TIMM9: variants seen among roughly 807,000 people sequenced by gnomAD.
TIMM9 encodes the protein mitochondrial import inner membrane translocase subunit Tim9.
Under a neutral mutation model 13.4 loss-of-function variants are expected in TIMM9, and 10 were observed. The ratio of observed to expected loss-of-function variants is 0.75; its 90% CI spans 0.46 to 1.26. TIMM9 has a LOEUF of 1.26. Ranked by LOEUF, TIMM9 falls within the 50% of genes most tolerant of loss-of-function variation. The pLI, the probability that TIMM9 is intolerant of heterozygous loss-of-function variation, is 0.00. For synonymous variants in TIMM9, 32 were observed against 32.1 expected (o/e 1.00, Z 0.01); for missense variants, 87 against 100.8 (o/e 0.86, Z 0.58).
At chr14:58,425,281 G>A (rs1302119145) in intron 2 of TIMM9, among the ~76,000 whole-genome samples, 2 of 151,842 alleles carry the variant, frequency 1.3e-5, no homozygotes, top group East Asian at 1.9e-4. Flanking sequence ...CAGAGTGGCG[G>A]GTGCCTATAA....
intron 2 of TIMM9, among the ~76,000 whole-genome samples, chr14:58,426,652 TA>T (rs1193832782): frequency 1.3e-5 from 2 of 152,222 alleles, no homozygotes; most frequent in Non-Finnish European, 2.9e-5. Context: ...GGGAAAGCTC[TA>T]AGTAGCGCAT....
intron 3 of TIMM9, among the ~76,000 whole-genome samples, chr14:58,420,384 T>C (rs2036552288): frequency 6.6e-6 from 1 of 151,322 alleles, no homozygotes. Flanking sequence ...ACAATCCAAT[T>C]AGAAAACAAG....
intron 3 of TIMM9, among the ~76,000 whole-genome samples, chr14:58,422,669 A>C (rs993471169): frequency 1.3e-5 from 2 of 152,200 alleles, no homozygotes; most frequent in African/African-American, 4.8e-5. Context: ...TCATACTATA[A>C]AAGTAATATA....
rs1473008141 is a variant in TIMM9, at chr14:58,414,131, T to C, written c.-26-2160A>G. Among the ~76,000 whole-genome samples the C allele has an allele frequency of 2.0e-5, 3 of 149,162 alleles. No homozygotes were observed. In the East Asian group the frequency reaches 6.0e-4, roughly 30 times the overall value. On this transcript the variant is annotated intron_variant, in intron 3 of 5. Transcript: ENST00000395159. ...ACACTGTAGACTAACATAAATGCTA[T>C]ACATTTTATTTAGTTAAGAGTTTTC...
chr14:58,408,688 T>C lies in TIMM9; in HGVS notation c.*346A>G. 8.7e-7 allele frequency: 1 copy of C among 1,143,858 alleles called. No individual in the cohort carries two copies. The highest frequency in any genetic ancestry group is 1.2e-6 in the Non-Finnish European group (1 of 811,328). The allele number at this position is 1,143,858 out of a possible 1,614,324, so 70.9% of individuals were successfully genotyped here. On this transcript the variant is annotated 3_prime_UTR_variant, in exon 6 of 6. Coordinates refer to ENST00000395159, the MANE Select transcript of TIMM9 (RefSeq NM_012460.4). The stretch of plus-strand genomic sequence containing the variant: ...TTTATTTTACTTTGAGTAATAAAAA[T>C]TTTTCTATCTCATACATGATCGAAC...
intron 3 of TIMM9, among the ~76,000 whole-genome samples, chr14:58,419,504 C>CAA (rs1491313080): frequency 8.0e-6 from 1 of 125,018 alleles, no homozygotes; most frequent in South Asian, 2.6e-4. Context: ...CACACACACA[C>CAA]AAACACATAC....
intron 2 of TIMM9, among the ~76,000 whole-genome samples, chr14:58,425,119 G>C (rs1265502210): frequency 1.3e-5 from 2 of 151,954 alleles, no homozygotes; most frequent in Non-Finnish European, 2.9e-5. Context: ...GATTTAGAGT[G>C]AGAAAATAAG....
intron 5 of TIMM9, 82 bp from the exon 6 acceptor site, chr14:58,409,250 G>A (rs1433623163): frequency 2.6e-6 from 4 of 1,509,956 alleles, no homozygotes; most frequent in Non-Finnish European, 3.6e-6. Flanking sequence ...AGAATCAGTG[G>A]GGTAGTTTGC....
chr14:58,410,902 C>T lies in TIMM9; in HGVS notation c.76G>A (p.Glu26Lys). Residue 26 changes from glutamate to lysine, a missense_variant, in exon 5 of 6, where the codon GAG becomes AAG. By Grantham distance (56) the Glu-to-Lys change is moderately conservative. Transcript: ENST00000395159. ...EFLGTYNKLT[E>K]TCFLDCVKDF... ...TTAACACAGTCCAAAAAGCAGGTCT[C>T]TGTAAGTTTATTGTAGGTCCCCAGA... 6.2e-7 allele frequency: 1 copy of T among 1,613,552 alleles called. No homozygotes were observed. Among genetic ancestry groups the T allele is most frequent in the Non-Finnish European group, 8.5e-7 (1 of 1,179,846 alleles).
rs747534254 is a variant in TIMM9 at position 58,411,956 on chromosome 14, T to G, written c.-11A>C. On this transcript the variant is annotated 5_prime_UTR_variant, in exon 4 of 6. Coordinates refer to ENST00000395159, the MANE Select transcript of TIMM9 (RefSeq NM_012460.4). ...TATTTGTGCAGCCATATTCTTCTGG[T>G]ACCTTTATTAGTCACCTAATTTAAA... The G allele has an allele frequency of 1.2e-6, 2 of 1,613,202 alleles. No individual in the cohort carries two copies. The highest frequency in any genetic ancestry group is 4.5e-5 in the East Asian group (2 of 44,874).
At chr14:58,423,122 T>C (rs1288167867) in intron 3 of TIMM9, among the ~76,000 whole-genome samples, 1 of 152,060 alleles carries the variant, frequency 6.6e-6, no homozygotes, top group Non-Finnish European at 1.5e-5. Flanking sequence ...GTATTTTTTT[T>C]TTCCAGACCT....
chr14:58,411,865 A>G lies in TIMM9; in HGVS notation c.39+42T>C, dbSNP rs112395407. 511 of 1,599,044 alleles carry G rather than the reference A, an allele frequency of 3.2e-4. 1 individual carries two copies. The African/African-American group carries it at 5.3e-3, about 17-fold the overall frequency. On this transcript the variant is annotated intron_variant, in intron 4 of 5. Coordinates refer to ENST00000395159, the MANE Select transcript of TIMM9 (RefSeq NM_012460.4). ...CATGGTGGCATTAGTAGCACCTTAC[A>G]TTTTTTTGCAAAATCTTTTCCCCTT... is the stretch of plus-strand genomic sequence containing the variant.
At chr14:58,421,549 T>C (rs1381587790) in intron 3 of TIMM9, among the ~76,000 whole-genome samples, 1 of 152,124 alleles carries the variant, frequency 6.6e-6, no homozygotes, top group Non-Finnish European at 1.5e-5. Context: ...GGAAGTGTAT[T>C]TCAATCCACA....
chr14:58,427,483 A>C lies in TIMM9; in HGVS notation c.-395T>G. On this transcript the variant is annotated 5_prime_UTR_variant, in exon 1 of 6. Coordinates refer to ENST00000395159, the MANE Select transcript of TIMM9 (RefSeq NM_012460.4). ...AGTATTACAAGTCGGGAGCTCTTCAAGTCTTGGATGAGACTGTAGAGCGGT... is the reference window on the plus strand; with the variant it reads ...AGTATTACAAGTCGGGAGCTCTTCACGTCTTGGATGAGACTGTAGAGCGGT... 1 of 1,064,186 alleles carries C rather than the reference A, an allele frequency of 9.4e-7. No individual in the cohort carries two copies. Among genetic ancestry groups the C allele is most frequent in the Non-Finnish European group, 1.4e-6 (1 of 737,764 alleles). The allele number at this position is 1,064,186 out of a possible 1,614,324, so 65.9% of individuals were successfully genotyped here.
chr14:58,420,844 T>C (rs1366535337), intron 3 of TIMM9, among the ~76,000 whole-genome samples: 7 of 109,556 alleles, frequency 6.4e-5, no homozygotes, highest in Non-Finnish European at 4.1e-5. Flanking sequence ...ATGGCTAACA[T>C]AAAAACAAAA....
chr14:58,409,375 G>A (rs1595004941), intron 5 of TIMM9, among the ~76,000 whole-genome samples: 2 of 152,228 alleles, frequency 1.3e-5, no homozygotes, highest in East Asian at 1.9e-4. Flanking sequence ...ATGCCTGCCA[G>A]TTTGTAGTCA....
chr14:58,416,260 A>G (rs919165058), intron 3 of TIMM9, among the ~76,000 whole-genome samples: 10 of 152,188 alleles, frequency 6.6e-5, no homozygotes, highest in African/African-American at 2.4e-4. Context: ...AAATAAAATA[A>G]AAAATAAAGA....
Position 58,427,496 on chromosome 14 carries a change from A to C in TIMM9, c.-408T>G, listed in dbSNP as rs562502007. ...GGGAGCTCTTCAAGTCTTGGATGAG[A>C]CTGTAGAGCGGTCTTGTGCGGCAAT... On this transcript the variant is annotated 5_prime_UTR_variant, in exon 1 of 6. Transcript: ENST00000395159. The C allele has an allele frequency of 4.1e-4, 496 of 1,203,398 alleles. 1 individual carries two copies. The highest frequency in any genetic ancestry group is 2.0e-3 in the Admixed American group (96 of 47,706). The allele number at this position is 1,203,398 out of a possible 1,614,324, so 74.5% of individuals were successfully genotyped here.
intron 5 of TIMM9, among the ~76,000 whole-genome samples, chr14:58,410,358 C>T (rs764367469): frequency 6.6e-6 from 1 of 151,956 alleles, no homozygotes; most frequent in Admixed American, 6.6e-5. Flanking sequence ...TTCAAAGTTA[C>T]AGTGAGCTAT....
Sources: gnomAD v4.1 joint callset for allele counts (sites outside exome capture counted in the v4.1 genomes callset) on GRCh38, gnomAD v4.1.1 for gene constraint, MANE v1.5 for transcripts, NCBI Gene and HGNC (gene_info 2026-07-23, HGNC 2026-07-21) for gene names.